Variants in SF3A3 observed in about 807,000 individuals in gnomAD.
SF3A3 encodes the protein SAP 61.
Under a neutral mutation model 85.8 loss-of-function variants are expected in SF3A3, and 9 were observed. The ratio of observed to expected loss-of-function variants is 0.10; its 90% CI spans 0.06 to 0.18. The LOEUF (loss-of-function observed/expected upper bound fraction) is 0.18, where lower values mean the gene tolerates loss of function less well. Ranked by LOEUF, SF3A3 falls within the 10% of genes least tolerant of loss-of-function variation. The pLI is 1.00. For synonymous variants in SF3A3, 195 were observed against 204.4 expected, an observed-to-expected ratio of 0.95 and a Z score of 0.39; for missense variants, 306 against 593.3, an observed-to-expected ratio of 0.52 and a Z score of 5.03.
intron 11 of SF3A3, among the ~76,000 whole-genome samples, chr1:37,978,481 T>G (rs1385049986): frequency 6.6e-6 from 1 of 152,088 alleles, no homozygotes; most frequent in African/African-American, 2.4e-5. Context: ...AAAGGTGCCA[T>G]GAATATGGTT....
chr1:37,979,064 A>G lies in SF3A3; in HGVS notation c.760-9T>C. On this transcript the variant is annotated splice_polypyrimidine_tract_variant and intron_variant, in intron 9 of 16. Transcript: ENST00000373019. Reference sequence around the variant, plus strand: ...CCCAGAGAAGCCAACTCCTATACAAAGAAGAGAAAAATTACAATATTACAT... The same window carrying G: ...CCCAGAGAAGCCAACTCCTATACAAGGAAGAGAAAAATTACAATATTACAT... The G allele has an allele frequency of 6.2e-7, 1 of 1,611,588 alleles. No homozygotes were observed. The highest frequency in any genetic ancestry group is 1.3e-5 in the African/African-American group (1 of 74,982).
intron 4 of SF3A3, among the ~76,000 whole-genome samples, chr1:37,987,166 C>T (rs1339143792): frequency 6.6e-6 from 1 of 152,200 alleles, no homozygotes; most frequent in African/African-American, 2.4e-5. Flanking sequence ...GCAACCTCCA[C>T]CTCCCAGGTT....
chr1:37,966,270 C>T (rs1175115763), intron 15 of SF3A3, among the ~76,000 whole-genome samples: 2 of 151,586 alleles, frequency 1.3e-5, no homozygotes, highest in African/African-American at 4.8e-5. Flanking sequence ...AAAAGGCTGC[C>T]ATGAAAATGT....
chr1:37,960,436 C>T, intron 15 of SF3A3: 1 of 467,096 alleles, frequency 2.1e-6, no homozygotes, highest in Admixed American at 3.4e-5. Context: ...GAAACTGATA[C>T]TCTTGAAGGA....
chr1:37,984,060 T>A, intron 6 of SF3A3, 109 bp downstream of exon 6: 1 of 559,396 alleles, frequency 1.8e-6, no homozygotes, highest in South Asian at 2.7e-5. Context: ...CATAAGAGTT[T>A]TAAAACACAA....
At chr1:37,987,140 G>A (rs375702206) in intron 4 of SF3A3, among the ~76,000 whole-genome samples, 253 of 152,206 alleles carry the variant, frequency 1.7e-3, no homozygotes, top group African/African-American at 5.7e-3. Context: ...GTGCAATGGC[G>A]CAATCTCGGC....
intron 16 of SF3A3, among the ~76,000 whole-genome samples, chr1:37,958,534 A>G (rs1646235449): frequency 6.6e-6 from 1 of 152,236 alleles, no homozygotes; most frequent in African/African-American, 2.4e-5. Context: ...ATCTGAGAAA[A>G]TAGTTTATTT....
intron 16 of SF3A3, 51 bp downstream of exon 16, chr1:37,960,069 A>C (rs1277254858): frequency 6.9e-7 from 1 of 1,456,700 alleles, no homozygotes; most frequent in Non-Finnish European, 9.6e-7. Flanking sequence ...ATGGTGAGGG[A>C]GCTCTCTATC....
intron 12 of SF3A3, among the ~76,000 whole-genome samples, chr1:37,970,875 A>G (rs1479628971): frequency 6.6e-6 from 1 of 152,232 alleles, no homozygotes; most frequent in Non-Finnish European, 1.5e-5. Flanking sequence ...AGGGAAATTT[A>G]TAGCACTAAA....
intron 7 of SF3A3, among the ~76,000 whole-genome samples, chr1:37,981,092 G>A (rs1164799265): frequency 6.6e-5 from 10 of 151,862 alleles, no homozygotes; most frequent in African/African-American, 2.2e-4. Flanking sequence ...CAGGTGATCC[G>A]TCTGCCTCGG....
intron 15 of SF3A3, among the ~76,000 whole-genome samples, chr1:37,961,985 T>C (rs1646263169): frequency 1.3e-5 from 2 of 150,922 alleles, no homozygotes; most frequent in South Asian, 4.2e-4. Flanking sequence ...CTCAGGAGGC[T>C]GAGGCAGGAG....
chr1:37,959,070 ACTTT>A (rs1646238911), intron 16 of SF3A3, among the ~76,000 whole-genome samples: 1 of 148,244 alleles, frequency 6.7e-6, no homozygotes, highest in South Asian at 2.1e-4. Flanking sequence ...TGCCATTTCA[ACTTT>A]TTTTTCTTTT....
intron 2 of SF3A3, among the ~76,000 whole-genome samples, chr1:37,988,857 T>TTGTGTGTGTGTG (rs547811229): frequency 2.0e-5 from 3 of 146,762 alleles, no homozygotes; most frequent in African/African-American, 5.2e-5. Context: ...ACGGGGTGTG[T>TTGTGTGTGTGTG]TGTGTGTGTG....
At position 37,960,101 on chromosome 1, in the gene SF3A3, C is replaced by T. The variant is rs778603716; in HGVS notation, c.1428+19G>A. On this transcript the variant is annotated intron_variant, in intron 16 of 16. Transcript: ENST00000373019. Reference sequence around the variant, plus strand: ...TATCACTTGACACTATCCCTAACACCATCCACATTAGTACCCACCTCAGTG... The same window carrying T: ...TATCACTTGACACTATCCCTAACACTATCCACATTAGTACCCACCTCAGTG... 2.5e-6 allele frequency: 4 copies of T among 1,610,834 alleles called. No homozygotes were observed. Among genetic ancestry groups the T allele is most frequent in the South Asian group, 1.1e-5 (1 of 90,980 alleles).
At chr1:37,971,149 C>T (rs78931036) in intron 12 of SF3A3, among the ~76,000 whole-genome samples, 2 of 151,918 alleles carry the variant, frequency 1.3e-5, no homozygotes, top group African/African-American at 4.8e-5. Flanking sequence ...ATCAAACAGA[C>T]GCAATAAAAA....
At chr1:37,981,357 C>T (rs1646417455) in intron 7 of SF3A3, among the ~76,000 whole-genome samples, 1 of 152,140 alleles carries the variant, frequency 6.6e-6, no homozygotes, top group Non-Finnish European at 1.5e-5. Flanking sequence ...TTAACAAAAA[C>T]ATAAATTTTT....
chr1:37,962,396 G>A (rs1646267230), intron 15 of SF3A3, among the ~76,000 whole-genome samples: 2 of 150,152 alleles, frequency 1.3e-5, no homozygotes, highest in Admixed American at 1.3e-4. Flanking sequence ...CTGAGGTTGG[G>A]AGTTCGAGAC....
chr1:37,964,367 A>G (rs1045447870), intron 15 of SF3A3, among the ~76,000 whole-genome samples: 2 of 151,994 alleles, frequency 1.3e-5, no homozygotes, highest in African/African-American at 4.8e-5. Context: ...CACTTTGGGA[A>G]GCCAAGGCAG....
chr1:37,965,972 A>G (rs866853489), intron 15 of SF3A3, among the ~76,000 whole-genome samples: 2 of 152,154 alleles, frequency 1.3e-5, no homozygotes, highest in African/African-American at 2.4e-5. Flanking sequence ...AAGCCAAGGC[A>G]GGTAGGTCAC....
Sources: gnomAD v4.1 joint callset for allele counts (sites outside exome capture counted in the v4.1 genomes callset) on GRCh38, gnomAD v4.1.1 for gene constraint, MANE v1.5 for transcripts, NCBI Gene and HGNC (gene_info 2026-07-23, HGNC 2026-07-21) for gene names.